LGSN: variants seen among roughly 807,000 people sequenced by gnomAD.
LGSN encodes lengsin, lens protein with glutamine synthetase domain.
A neutral mutation model predicts 19.5 loss-of-function variants in LGSN; 21 were observed. That is an observed-to-expected ratio of 1.07 (90% CI 0.76 to 1.55). The LOEUF (loss-of-function observed/expected upper bound fraction) is 1.55, where lower values mean the gene tolerates loss of function less well. Ranked by LOEUF, LGSN falls within the 40% of genes most tolerant of loss-of-function variation. LGSN has a pLI of 0.00. For synonymous variants in LGSN, 257 were observed against 215.6 expected, an observed-to-expected ratio of 1.19 and a Z score of -1.68; for missense variants, 673 against 608.5, an observed-to-expected ratio of 1.11 and a Z score of -1.12.
the LGSN span, among the ~76,000 whole-genome samples, chr6:63,402,318 T>C: frequency 6.6e-6 from 1 of 152,162 alleles, no homozygotes; most frequent in Non-Finnish European, 1.5e-5. Context: ...CCATGTTGCT[T>C]TCACCAAGAA....
the LGSN span, among the ~76,000 whole-genome samples, chr6:63,334,527 C>A: frequency 2.0e-5 from 3 of 152,044 alleles, no homozygotes; most frequent in Admixed American, 6.6e-5. Context: ...TGAAAATGAC[C>A]ACACTGCCCA....
At chr6:63,486,994 C>T in the LGSN span, among the ~76,000 whole-genome samples, 1 of 152,076 alleles carries the variant, frequency 6.6e-6, no homozygotes, top group African/African-American at 2.4e-5. Context: ...AGCCACCACA[C>T]CTGGCTAATT....
At chr6:63,340,707 A>G in the LGSN span, among the ~76,000 whole-genome samples, 1 of 150,474 alleles carries the variant, frequency 6.6e-6, no homozygotes, top group Non-Finnish European at 1.5e-5. Context: ...TATCTTTTAT[A>G]TCTCACTGAG....
At chr6:63,453,700 C>G in the LGSN span, among the ~76,000 whole-genome samples, 1 of 152,136 alleles carries the variant, frequency 6.6e-6, no homozygotes, top group Non-Finnish European at 1.5e-5. Flanking sequence ...GTTGCCCAGG[C>G]TGGAGTGCAG....
chr6:63,477,679 CT>C, the LGSN span, among the ~76,000 whole-genome samples: 2 of 50,490 alleles, frequency 4.0e-5, no homozygotes, highest in Admixed American at 2.1e-4. Flanking sequence ...TCTTCTTCTT[CT>C]TTTTTTCTTT....
the LGSN span, among the ~76,000 whole-genome samples, chr6:63,514,186 A>G: frequency 6.6e-6 from 1 of 152,036 alleles, no homozygotes; most frequent in Non-Finnish European, 1.5e-5. Flanking sequence ...TTGTGCTCTG[A>G]CCCTTGATCT....
At chr6:63,474,612 A>T in the LGSN span, among the ~76,000 whole-genome samples, 2 of 149,498 alleles carry the variant, frequency 1.3e-5, no homozygotes, top group African/African-American at 4.9e-5. Context: ...CCATCTCAAA[A>T]AAAAAAAAAA....
chr6:63,341,530 G>A, the LGSN span, among the ~76,000 whole-genome samples: 8 of 152,098 alleles, frequency 5.3e-5, no homozygotes, highest in Non-Finnish European at 1.2e-4. Flanking sequence ...CCAGGCTCTG[G>A]GGATTATGCA....
chr6:63,489,403 C>G, the LGSN span, among the ~76,000 whole-genome samples: 4 of 152,194 alleles, frequency 2.6e-5, no homozygotes, highest in Non-Finnish European at 5.9e-5. Context: ...GGGTCTCACT[C>G]TGTTACTCAG....
chr6:63,405,595 A>G, the LGSN span, among the ~76,000 whole-genome samples: 14 of 152,304 alleles, frequency 9.2e-5, no homozygotes, highest in Admixed American at 9.2e-4. Context: ...TTGGCTGCAT[A>G]AATGTCTTCT....
chr6:63,553,971 A>T, the LGSN span, among the ~76,000 whole-genome samples: 1 of 152,222 alleles, frequency 6.6e-6, no homozygotes, highest in East Asian at 1.9e-4. Flanking sequence ...CCTTATTTTA[A>T]GAGGCTTATA....
At chr6:63,551,513 A>G in the LGSN span, among the ~76,000 whole-genome samples, 15 of 152,326 alleles carry the variant, frequency 9.8e-5, no homozygotes, top group East Asian at 2.7e-3. Context: ...TTTTGTCTCA[A>G]AACTAGGATT....
the LGSN span, among the ~76,000 whole-genome samples, chr6:63,544,214 G>T: frequency 9.9e-5 from 15 of 152,246 alleles, no homozygotes; most frequent in East Asian, 2.9e-3. Context: ...GATGTAATTT[G>T]AGATATGAAG....
the LGSN span, among the ~76,000 whole-genome samples, chr6:63,388,727 A>C: frequency 6.6e-6 from 1 of 152,230 alleles, no homozygotes; most frequent in African/African-American, 2.4e-5. Context: ...AAAATAATAG[A>C]GGTCCTAAAG....
At chr6:63,484,776 C>T in the LGSN span, among the ~76,000 whole-genome samples, 1 of 152,172 alleles carries the variant, frequency 6.6e-6, no homozygotes, top group Non-Finnish European at 1.5e-5. Flanking sequence ...AGGTAAATAA[C>T]TTCTGGACCA....
chr6:63,493,951 CTTT>C, the LGSN span, among the ~76,000 whole-genome samples: 6 of 137,820 alleles, frequency 4.4e-5, no homozygotes, highest in South Asian at 2.3e-4. Flanking sequence ...GAAATCATTT[CTTT>C]TTTTTTTTTT....
chr6:63,566,922 G>C, the LGSN span, among the ~76,000 whole-genome samples: 1 of 152,112 alleles, frequency 6.6e-6, no homozygotes, highest in Non-Finnish European at 1.5e-5. Flanking sequence ...AATGCTTACG[G>C]CATCTTCACC....
the LGSN span, among the ~76,000 whole-genome samples, chr6:63,540,842 CAA>C: frequency 1.5e-5 from 2 of 132,946 alleles, no homozygotes; most frequent in Non-Finnish European, 1.6e-5. Flanking sequence ...GCTGAAAATA[CAA>C]AAAAAAAAAA....
chr6:63,445,577 C>T, the LGSN span, among the ~76,000 whole-genome samples: 2 of 152,000 alleles, frequency 1.3e-5, no homozygotes, highest in Non-Finnish European at 2.9e-5. Flanking sequence ...GAGATCCTGC[C>T]ACTGCACTCC....
Sources: allele counts gnomAD v4.1 joint callset (sites outside exome capture counted in the v4.1 genomes callset), GRCh38; gene constraint gnomAD v4.1.1; transcripts MANE v1.5; gene names NCBI Gene and HGNC (gene_info 2026-07-23, HGNC 2026-07-21).